The following GRID2 variants were observed in gnomAD, a reference collection of about 807,000 sequenced individuals.
GRID2 encodes the protein glutamate receptor ionotropic, delta-2.
A neutral mutation model predicts 114.8 loss-of-function variants in GRID2; 33 were observed. The ratio of observed to expected loss-of-function variants is 0.29; its 90% CI spans 0.22 to 0.38. GRID2 has a LOEUF of 0.38. Ranked by LOEUF, GRID2 falls within the 10% of genes least tolerant of loss-of-function variation. GRID2 has a pLI of 1.00. For synonymous variants in GRID2, 505 were observed against 449.9 expected (o/e 1.12, Z -1.55); for missense variants, 1,184 against 1,257.7 (o/e 0.94, Z 0.89).
At chr4:93,515,827 G>A (rs1729665787) in intron 13 of GRID2, among the ~76,000 whole-genome samples, 1 of 152,148 alleles carries the variant, frequency 6.6e-6, no homozygotes, top group African/African-American at 2.4e-5. Context: ...GTGATTATGT[G>A]AAGCTATCTG....
At chr4:92,334,585 C>G (rs143333695) in intron 1 of GRID2, among the ~76,000 whole-genome samples, 1 of 151,352 alleles carries the variant, frequency 6.6e-6, no homozygotes, top group African/African-American at 2.4e-5. Context: ...AGTCTCAACT[C>G]GTTTTTTTTT....
chr4:92,510,471 AT>A (rs2149131090), intron 1 of GRID2, among the ~76,000 whole-genome samples: 1 of 151,964 alleles, frequency 6.6e-6, no homozygotes, highest in South Asian at 2.1e-4. Context: ...GAGTAATCAA[AT>A]TTTAGCTATT....
At chr4:92,599,259 G>C (rs1425033993) in intron 2 of GRID2, among the ~76,000 whole-genome samples, 1 of 152,048 alleles carries the variant, frequency 6.6e-6, no homozygotes, top group Non-Finnish European at 1.5e-5. Flanking sequence ...CTGATGATTT[G>C]TGTAGGCTTA....
intron 14 of GRID2, among the ~76,000 whole-genome samples, chr4:93,644,811 C>G (rs1312102898): frequency 6.6e-6 from 1 of 151,704 alleles, no homozygotes; most frequent in Non-Finnish European, 1.5e-5. Flanking sequence ...CAATTTAGGA[C>G]AAGGGGAATC....
At chr4:92,465,967 C>T (rs1475298125) in intron 1 of GRID2, among the ~76,000 whole-genome samples, 1 of 151,564 alleles carries the variant, frequency 6.6e-6, no homozygotes, top group Non-Finnish European at 1.5e-5. Flanking sequence ...AGTCTCACAG[C>T]CCCCTTTTTA....
chr4:93,196,556 A>G (rs1039312167), intron 4 of GRID2, among the ~76,000 whole-genome samples: 2 of 152,118 alleles, frequency 1.3e-5, no homozygotes, highest in African/African-American at 4.8e-5. Context: ...GAAATATTGA[A>G]CTAGGACTGT....
At chr4:92,658,013 G>A (rs1732330664) in intron 2 of GRID2, among the ~76,000 whole-genome samples, 1 of 151,690 alleles carries the variant, frequency 6.6e-6, no homozygotes, top group Non-Finnish European at 1.5e-5. Flanking sequence ...TATTGTGATT[G>A]TTTATGATAT....
intron 14 of GRID2, among the ~76,000 whole-genome samples, chr4:93,658,995 T>C (rs545592622): frequency 6.6e-6 from 1 of 152,124 alleles, no homozygotes; most frequent in East Asian, 1.9e-4. Flanking sequence ...AGCAAGCATT[T>C]GAACGGAGGC....
intron 14 of GRID2, among the ~76,000 whole-genome samples, chr4:93,660,322 C>A (rs1723377084): frequency 6.6e-6 from 1 of 152,066 alleles, no homozygotes; most frequent in South Asian, 2.1e-4. Flanking sequence ...GATATGCCAG[C>A]AGATACATGT....
At chr4:93,010,924 ATC>A (rs1269565084) in intron 2 of GRID2, among the ~76,000 whole-genome samples, 1 of 151,980 alleles carries the variant, frequency 6.6e-6, no homozygotes, top group Non-Finnish European at 1.5e-5. Flanking sequence ...ACTCATTAGA[ATC>A]TATTCTTCTG....
intron 2 of GRID2, among the ~76,000 whole-genome samples, chr4:93,013,161 A>G (rs1402855530): frequency 6.6e-6 from 1 of 152,110 alleles, no homozygotes; most frequent in African/African-American, 2.4e-5. Flanking sequence ...TTTTAATCAC[A>G]ATCTAAGATC....
At chr4:92,482,783 T>C (rs1722678981) in intron 1 of GRID2, among the ~76,000 whole-genome samples, 1 of 152,240 alleles carries the variant, frequency 6.6e-6, no homozygotes, top group South Asian at 2.1e-4. Flanking sequence ...AAGATGTTAC[T>C]AATTAATTCT....
chr4:92,624,804 C>A (rs139641606), intron 2 of GRID2, among the ~76,000 whole-genome samples: 2,400 of 151,652 alleles, frequency 0.016, 68 homozygotes, highest in African/African-American at 0.054. Flanking sequence ...ATACAGAAAC[C>A]TACTATGAAT....
At chr4:92,362,382 A>G (rs1190601126) in intron 1 of GRID2, among the ~76,000 whole-genome samples, 2 of 152,062 alleles carry the variant, frequency 1.3e-5, no homozygotes, top group Non-Finnish European at 2.9e-5. Context: ...CAAAATAATG[A>G]AACATTTTTG....
chr4:93,206,324 C>T (rs965674295), intron 4 of GRID2, among the ~76,000 whole-genome samples: 1 of 151,752 alleles, frequency 6.6e-6, no homozygotes, highest in Admixed American at 6.6e-5. Context: ...ATGCAATGCA[C>T]CTCTTAGCAG....
intron 2 of GRID2, among the ~76,000 whole-genome samples, chr4:92,599,696 CAT>C (rs1190868713): frequency 1.3e-5 from 2 of 151,976 alleles, no homozygotes; most frequent in African/African-American, 4.8e-5. Flanking sequence ...ATATTTCAAA[CAT>C]AAATATACAT....
rs151113408 is a variant in GRID2, at chr4:93,022,116, A to G, written c.245-62879A>G. Among the ~76,000 whole-genome samples the G allele has an allele frequency of 5.9e-5, 9 of 151,886 alleles. No homozygotes were observed. In the East Asian group the frequency reaches 1.7e-3, roughly 29 times the overall value. ...CTAAGATATTTACAAAAATCTTTCC[A>G]TAGATATTCTTTCATAAATACATGT... is the stretch of plus-strand genomic sequence containing the variant. On this transcript the variant is annotated intron_variant, in intron 2 of 15. Transcript: ENST00000282020.
intron 1 of GRID2, among the ~76,000 whole-genome samples, chr4:92,510,160 A>G (rs1560679218): frequency 6.6e-6 from 1 of 151,890 alleles, no homozygotes; most frequent in Non-Finnish European, 1.5e-5. Flanking sequence ...GATAGTAACT[A>G]TGGTTTAACT....
intron 2 of GRID2, among the ~76,000 whole-genome samples, chr4:92,638,767 AATTT>A (rs1731199120): frequency 6.6e-6 from 1 of 150,700 alleles, no homozygotes; most frequent in Non-Finnish European, 1.5e-5. Flanking sequence ...TTTAATAACA[AATTT>A]ATTTTTAATA....
Sources: allele counts gnomAD v4.1 joint callset (sites outside exome capture counted in the v4.1 genomes callset), GRCh38; gene constraint gnomAD v4.1.1; transcripts MANE v1.5; gene names NCBI Gene and HGNC (gene_info 2026-07-23, HGNC 2026-07-21).